The following LAPTM5 variants were observed in gnomAD, a reference collection of about 807,000 sequenced individuals.
LAPTM5 encodes the protein lysosomal protein transmembrane 5.
LAPTM5 carries 11 observed loss-of-function variants against 30.1 expected under a neutral mutation model. The observed-to-expected ratio is 0.37, with a 90% CI of 0.23 to 0.60. The LOEUF (loss-of-function observed/expected upper bound fraction) is 0.60. LAPTM5 is among the 20% of genes least tolerant of loss of function. The pLI is 0.71. For synonymous variants in LAPTM5, 151 were observed against 137.9 expected, an observed-to-expected ratio of 1.10 and a Z score of -0.67; for missense variants, 324 against 332.5, an observed-to-expected ratio of 0.97 and a Z score of 0.20.
intron 3 of LAPTM5, among the ~76,000 whole-genome samples, chr1:30,741,284 G>C (rs974486785): frequency 6.6e-6 from 1 of 152,028 alleles, no homozygotes; most frequent in Non-Finnish European, 1.5e-5. Context: ...GCTTTCTCCC[G>C]TCTCTCACCC....
At position 30,733,594 on chromosome 1, in the gene LAPTM5, G is replaced by T; in HGVS notation, c.*234C>A. 1 of 1,525,280 alleles carries T rather than the reference G, an allele frequency of 6.6e-7. No individual in the cohort carries two copies. Among genetic ancestry groups the T allele is most frequent in the Non-Finnish European group, 8.8e-7 (1 of 1,140,584 alleles). The allele number at this position is 1,525,280 out of a possible 1,614,324, so 94.5% of individuals were successfully genotyped here. A position where few individuals can be genotyped will look rare whatever the true frequency, so the allele number is the denominator to read the frequency against. On this transcript the variant is annotated 3_prime_UTR_variant, in exon 8 of 8. Coordinates refer to ENST00000294507, the MANE Select transcript of LAPTM5 (RefSeq NM_006762.3). ...AGCTGATTGAAATAAACCAAGCATT[G>T]TTGGGCTGAATTATGGAGAGACCCG...
rs764721370 is a variant in LAPTM5, at chr1:30,737,642, T to G, written c.568A>C (p.Ile190Leu). ...PHNQFIKMMI[I>L]FSIAFITVLI... ...ACAGTGATGAAGGCGATGGAAAAGATGATCATCATCTTGATGAACTGGTTA... is the reference window on the plus strand; with the variant it reads ...ACAGTGATGAAGGCGATGGAAAAGAGGATCATCATCTTGATGAACTGGTTA... The change falls in exon 6 of 8, where the codon ATC (isoleucine) becomes CTC (leucine). Residue 190 changes from isoleucine to leucine, a missense_variant. Coordinates refer to ENST00000294507, the MANE Select transcript of LAPTM5 (RefSeq NM_006762.3). 1 of 1,613,718 alleles carries G rather than the reference T, an allele frequency of 6.2e-7. No individual in the cohort carries two copies. Among genetic ancestry groups the G allele is most frequent in the African/African-American group, 1.3e-5 (1 of 74,910 alleles).
intron 5 of LAPTM5, among the ~76,000 whole-genome samples, 154 bp from the exon 6 acceptor site, chr1:30,737,853 A>T (rs1371062051): frequency 6.6e-6 from 1 of 152,158 alleles, no homozygotes; most frequent in East Asian, 1.9e-4. Flanking sequence ...CAGCCTTAGG[A>T]AGCAGGTGCT....
At chr1:30,738,807 C>A in intron 5 of LAPTM5, 133 bp downstream of exon 5, 1 of 999,246 alleles carries the variant, frequency 1.0e-6, no homozygotes, top group Non-Finnish European at 1.4e-6. Flanking sequence ...AATAAATCAC[C>A]AGCACAAGAA....
chr1:30,753,877 G>A (rs1640173398), intron 1 of LAPTM5, among the ~76,000 whole-genome samples: 1 of 152,230 alleles, frequency 6.6e-6, no homozygotes, highest in African/African-American at 2.4e-5. Context: ...TATCTGTACT[G>A]TGTTTGCAAT....
chr1:30,744,917 C>T (rs929168433), intron 1 of LAPTM5, among the ~76,000 whole-genome samples: 2 of 152,084 alleles, frequency 1.3e-5, no homozygotes, highest in African/African-American at 2.4e-5. Context: ...TCATGAACAT[C>T]ATAAAACAGC....
In LAPTM5 at chr1:30,733,704, A is replaced by G. The variant is rs977469019; in HGVS notation, c.*124T>C. On this transcript the variant is annotated 3_prime_UTR_variant, in exon 8 of 8. Transcript: ENST00000294507. ...GGAGCAGGCCAGCGAGGGAGACACA[A>G]GCAGATTGTCCTGCCAGGGAGGGGC... The G allele has an allele frequency of 7.8e-6, 12 of 1,533,464 alleles. No individual in the cohort carries two copies. Among genetic ancestry groups the G allele is most frequent in the African/African-American group, 6.9e-5 (5 of 72,930 alleles). The allele number at this position is 1,533,464 out of a possible 1,614,324, so 95.0% of individuals were successfully genotyped here.
chr1:30,753,106 A>G (rs940780007), intron 1 of LAPTM5, among the ~76,000 whole-genome samples: 1 of 151,984 alleles, frequency 6.6e-6, no homozygotes, highest in Non-Finnish European at 1.5e-5. Flanking sequence ...TTCCAATTTA[A>G]AAGTAGTATA....
intron 1 of LAPTM5, among the ~76,000 whole-genome samples, chr1:30,752,869 C>A (rs751606649): frequency 1.3e-5 from 2 of 152,046 alleles, no homozygotes; most frequent in Non-Finnish European, 2.9e-5. Flanking sequence ...CGCAGTGGCG[C>A]GATCTCGGCT....
chr1:30,742,346 C>T (rs1639982576), intron 2 of LAPTM5, 110 bp downstream of exon 2: 1 of 718,728 alleles, frequency 1.4e-6, no homozygotes. Context: ...AGAGGTCATC[C>T]ATCGTCCATG....
Position 30,742,456 on chromosome 1 carries a change from C to G in LAPTM5, c.181G>C (p.Ala61Pro). The G allele has an allele frequency of 6.2e-7, 1 of 1,611,362 alleles. No individual in the cohort carries two copies. ...KLSQMGYLRI[A>P]DLISSFLLIT... ...CTCCACCGGCGTCCCCTGGACCTAC[C>G]GATCCTGAGGTAGCCCATCTGGGAG... Residue 61 changes from alanine to proline, a missense_variant and splice_region_variant, in exon 2 of 8, where the codon GCT becomes CCT. Physicochemically the swap from Ala to Pro is conservative, Grantham distance 27. Coordinates refer to ENST00000294507, the MANE Select transcript of LAPTM5 (RefSeq NM_006762.3).
At position 30,738,921 on chromosome 1, in the gene LAPTM5, T is replaced by C. The variant is rs1337486024; in HGVS notation, c.510+19A>G. 41 of 1,591,580 alleles carry C rather than the reference T, an allele frequency of 2.6e-5. No individual in the cohort carries two copies. The highest frequency in any genetic ancestry group is 3.3e-5 in the Non-Finnish European group (39 of 1,168,674). ...CCACACAGCCAGCAAATGGGCATGGTTCCCTGCCCCAGACTCACCATGTGG... is the reference window on the plus strand; with the variant it reads ...CCACACAGCCAGCAAATGGGCATGGCTCCCTGCCCCAGACTCACCATGTGG... On this transcript the variant is annotated intron_variant, in intron 5 of 7. Coordinates refer to ENST00000294507, the MANE Select transcript of LAPTM5 (RefSeq NM_006762.3).
chr1:30,741,299 AAAC>A (rs1639967437), intron 3 of LAPTM5, among the ~76,000 whole-genome samples: 3 of 152,240 alleles, frequency 2.0e-5, no homozygotes, highest in South Asian at 4.1e-4. Context: ...TCACCCCCAG[AAAC>A]AACACTTCCT....
At chr1:30,748,975 T>C (rs1269978855) in intron 1 of LAPTM5, among the ~76,000 whole-genome samples, 1 of 152,214 alleles carries the variant, frequency 6.6e-6, no homozygotes, top group East Asian at 1.9e-4. Flanking sequence ...AAGTAAATCA[T>C]TGAAGACAGT....
intron 1 of LAPTM5, among the ~76,000 whole-genome samples, chr1:30,755,540 C>A (rs995218973): frequency 6.6e-6 from 1 of 152,152 alleles, no homozygotes; most frequent in African/African-American, 2.4e-5. Context: ...CTCCCTCCTG[C>A]CAATGGCACC....
Position 30,737,623 on chromosome 1 carries a change from A to T in LAPTM5, c.587T>A (p.Ile196Asn). 6.2e-7 allele frequency: 1 copy of T among 1,613,294 alleles called. No individual in the cohort carries two copies. The highest frequency in any genetic ancestry group is 8.5e-7 in the Non-Finnish European group (1 of 1,179,382). ...KMMIIFSIAF[I>N]TVLIFKVYMF... ...ACTCACCTTGAAGATAAGGACAGTG[A>T]TGAAGGCGATGGAAAAGATGATCAT... The change falls in exon 6 of 8, where the codon ATC (isoleucine) becomes AAC (asparagine). Residue 196 changes from isoleucine to asparagine, a missense_variant. By Grantham distance (149) the Ile-to-Asn change is moderately radical. Coordinates refer to ENST00000294507, the MANE Select transcript of LAPTM5 (RefSeq NM_006762.3).
chr1:30,745,424 T>C lies in LAPTM5; in HGVS notation c.88-2875A>G, dbSNP rs186897776. Among the ~76,000 whole-genome samples the C allele has an allele frequency of 5.7e-3, 818 of 143,012 alleles. 12 individuals carry two copies. Among genetic ancestry groups the C allele is most frequent in the African/African-American group, 0.02 (769 of 38,318 alleles). 93.8% of individuals were successfully genotyped at this position (143,012 alleles called of 152,430 possible). A position where few individuals can be genotyped will look rare whatever the true frequency, so the allele number is the denominator to read the frequency against. On this transcript the variant is annotated intron_variant, in intron 1 of 7. Transcript: ENST00000294507. ...GAGAGGCGCCCCCATCCCCTCTCCC[T>C]CTGCAGTCCCCCCTCCCTCCCCTCA...
chr1:30,734,948 G>GA (rs200884933), intron 7 of LAPTM5, among the ~76,000 whole-genome samples: 2,194 of 152,310 alleles, frequency 0.014, 22 homozygotes, highest in Middle Eastern at 0.041. Flanking sequence ...GCGCCTCCTG[G>GA]AATCGATATG....
intron 1 of LAPTM5, 114 bp downstream of exon 1, chr1:30,757,545 G>A (rs1395373535): frequency 9.3e-7 from 1 of 1,078,214 alleles, no homozygotes; most frequent in Non-Finnish European, 1.4e-6. Context: ...GTCCCCCAGA[G>A]AGGTGGAGAG....
Sources: allele counts gnomAD v4.1 joint callset (sites outside exome capture counted in the v4.1 genomes callset), GRCh38; gene constraint gnomAD v4.1.1; transcripts MANE v1.5; gene names NCBI Gene and HGNC (gene_info 2026-07-23, HGNC 2026-07-21).